SLC2A9: variants seen among roughly 807,000 people sequenced by gnomAD.
The protein encoded by SLC2A9 is solute carrier family 2, facilitated glucose transporter member 9.
Under a neutral mutation model 50.6 loss-of-function variants are expected in SLC2A9, and 39 were observed. That is an observed-to-expected ratio of 0.77 (90% CI 0.60 to 1.01). The LOEUF is 1.01. Ranked by LOEUF, SLC2A9 falls within the 50% of genes least tolerant of loss-of-function variation. The pLI is 0.00. For missense variants in SLC2A9, 686 were observed against 677.6 expected, an observed-to-expected ratio of 1.01 and a Z score of -0.14; for synonymous variants, 324 against 276.9, an observed-to-expected ratio of 1.17 and a Z score of -1.69.
chr4:9,952,426 C>G (rs4495037), intron 5 of SLC2A9, among the ~76,000 whole-genome samples: 73,242 of 151,858 alleles, frequency 0.48, 19,049 homozygotes, highest in African/African-American at 0.67. Context: ...GCTCCTGGAG[C>G]CCTCCCCAGA....
At chr4:9,837,145 T>G (rs867893044) in intron 10 of SLC2A9, among the ~76,000 whole-genome samples, 1 of 152,206 alleles carries the variant, frequency 6.6e-6, no homozygotes, top group African/African-American at 2.4e-5. Context: ...TCTCCATTTG[T>G]CTGGCATTTC....
intron 10 of SLC2A9, among the ~76,000 whole-genome samples, chr4:9,841,184 T>C (rs926628139): frequency 3.3e-5 from 5 of 152,216 alleles, no homozygotes; most frequent in African/African-American, 4.8e-5. Context: ...ACTCTTCATT[T>C]ACTTCTTATG....
chr4:9,980,158 G>GA (rs1755476869), intron 5 of SLC2A9, among the ~76,000 whole-genome samples: 1 of 152,008 alleles, frequency 6.6e-6, no homozygotes, highest in South Asian at 2.1e-4. Context: ...ATCTATTCAG[G>GA]AAAAAAGAGA....
intron 10 of SLC2A9, among the ~76,000 whole-genome samples, chr4:9,870,366 AGACAGCTGCT>A (rs1733210883): frequency 3.9e-5 from 6 of 152,346 alleles, no homozygotes; most frequent in African/African-American, 1.4e-4. Context: ...GTGAAGAGGA[AGACAGCTGCT>A]GACAGAAACC....
downstream of SLC2A9, among the ~76,000 whole-genome samples, chr4:9,821,919 G>C (rs1156649475): frequency 1.3e-5 from 2 of 152,148 alleles, no homozygotes; most frequent in African/African-American, 4.8e-5. Flanking sequence ...AGTGAATATG[G>C]GACTATTCAG....
intron 10 of SLC2A9, among the ~76,000 whole-genome samples, chr4:9,837,748 T>C (rs1412574658): frequency 1.3e-5 from 2 of 152,202 alleles, no homozygotes; most frequent in African/African-American, 4.8e-5. Context: ...TCATGGTACA[T>C]TGATATCAGA....
At chr4:9,953,421 C>T (rs1318593506) in intron 5 of SLC2A9, among the ~76,000 whole-genome samples, 1 of 152,244 alleles carries the variant, frequency 6.6e-6, no homozygotes, top group Non-Finnish European at 1.5e-5. Flanking sequence ...TGGTGCCTTG[C>T]CCATCTGAGT....
rs536212067 is a variant in SLC2A9 at position 9,991,703 on chromosome 4, T to C, written c.410+5078A>G. Among the ~76,000 whole-genome samples the C allele has an allele frequency of 1.4e-4, 22 of 152,284 alleles. No individual in the cohort carries two copies. In the South Asian group the frequency reaches 3.9e-3, roughly 27 times the overall value. The stretch of plus-strand genomic sequence containing the variant: ...GGAAGCGGCCCTAATGTGGGATGAT[T>C]GGTGTCCTTGTAAGAAGAGGAAGGG... On this transcript the variant is annotated intron_variant, in intron 3 of 11. Transcript: ENST00000264784.
intron 2 of SLC2A9, among the ~76,000 whole-genome samples, chr4:10,014,616 T>C (rs1332938847): frequency 2.0e-5 from 3 of 152,154 alleles, no homozygotes; most frequent in Non-Finnish European, 4.4e-5. Context: ...TTGAGCTCTC[T>C]CTTTCAAGCC....
chr4:9,970,468 G>C (rs75627030), intron 5 of SLC2A9, among the ~76,000 whole-genome samples: 2 of 152,204 alleles, frequency 1.3e-5, no homozygotes, highest in South Asian at 2.1e-4. Context: ...CCCTGCTTTG[G>C]GGTGGACCAG....
intron 3 of SLC2A9, among the ~76,000 whole-genome samples, chr4:9,805,153 C>G (rs1721958117): frequency 6.6e-6 from 1 of 152,192 alleles, no homozygotes; most frequent in African/African-American, 2.4e-5. Flanking sequence ...ATCCCTGAAT[C>G]TCAGTGGTTT....
chr4:9,832,277 G>C (rs781600257), intron 11 of SLC2A9, among the ~76,000 whole-genome samples: 53 of 152,134 alleles, frequency 3.5e-4, no homozygotes, highest in Non-Finnish European at 4.1e-4. Context: ...CTCAGAACTT[G>C]TTAGCCCTGT....
intron 2 of SLC2A9, among the ~76,000 whole-genome samples, chr4:10,013,265 C>T (rs894183058): frequency 3.3e-5 from 5 of 152,206 alleles, no homozygotes; most frequent in African/African-American, 7.2e-5. Context: ...TAAACCAGGC[C>T]TCATGTGGCC....
intron 9 of SLC2A9, 90 bp from the exon 10 acceptor site, chr4:9,887,732 G>T: frequency 9.0e-7 from 1 of 1,105,852 alleles, no homozygotes; most frequent in Non-Finnish European, 1.2e-6. Flanking sequence ...CCATCCATCT[G>T]TGTGACCTTG....
intron 3 of SLC2A9, among the ~76,000 whole-genome samples, chr4:9,810,153 C>T (rs2108986379): frequency 6.6e-6 from 1 of 152,110 alleles, no homozygotes; most frequent in Non-Finnish European, 1.5e-5. Context: ...GAATGTCAGC[C>T]TCATAGAAGG....
At chr4:9,998,871 A>T (rs1297808095) in intron 2 of SLC2A9, among the ~76,000 whole-genome samples, 1 of 152,220 alleles carries the variant, frequency 6.6e-6, no homozygotes, top group African/African-American at 2.4e-5. Flanking sequence ...TGGCAAAAAT[A>T]ACACCAACCA....
At chr4:9,945,680 C>T (rs1472136741) in intron 5 of SLC2A9, among the ~76,000 whole-genome samples, 2 of 152,070 alleles carry the variant, frequency 1.3e-5, no homozygotes, top group Non-Finnish European at 2.9e-5. Context: ...AGGGGAAGGG[C>T]CAGGAGAGCT....
intron 7 of SLC2A9, among the ~76,000 whole-genome samples, chr4:9,914,718 C>T (rs569884068): frequency 3.4e-4 from 52 of 152,122 alleles, no homozygotes; most frequent in African/African-American, 1.2e-3. Context: ...GTGGTGAGAA[C>T]GTGAATGCAG....
chr4:9,800,949 G>A (rs529195300), intron 3 of SLC2A9, among the ~76,000 whole-genome samples: 36 of 152,242 alleles, frequency 2.4e-4, no homozygotes, highest in African/African-American at 7.7e-4. Flanking sequence ...GCAGTCAGGC[G>A]CAGTCCCTGG....
Sources: allele counts gnomAD v4.1 joint callset (sites outside exome capture counted in the v4.1 genomes callset), GRCh38; gene constraint gnomAD v4.1.1; transcripts MANE v1.5; gene names NCBI Gene and HGNC (gene_info 2026-07-23, HGNC 2026-07-21).